Variants in DLG2 observed in about 807,000 individuals in gnomAD.
DLG2 encodes the protein discs large MAGUK scaffold protein 2.
DLG2 carries 45 observed loss-of-function variants against 132.5 expected under a neutral mutation model. The ratio of observed to expected loss-of-function variants is 0.34; its 90% CI spans 0.27 to 0.44. DLG2 has a LOEUF of 0.44. Among genes scored for constraint, DLG2 ranks in the 20% least tolerant of loss-of-function variants. The pLI, the probability that DLG2 is intolerant of heterozygous loss-of-function variation, is 1.00. For synonymous variants in DLG2, 424 were observed against 419.6 expected, an observed-to-expected ratio of 1.01 and a Z score of -0.13; for missense variants, 1,045 against 1,196.9, an observed-to-expected ratio of 0.87 and a Z score of 1.87.
chr11:84,256,512 G>T (rs2097473959), intron 7 of DLG2, among the ~76,000 whole-genome samples: 1 of 152,152 alleles, frequency 6.6e-6, no homozygotes, highest in Non-Finnish European at 1.5e-5. Flanking sequence ...TAACACTCAT[G>T]GTACTAGGAA....
At chr11:83,945,845 T>TGTGTGTGTGTG (rs1555194131) in intron 14 of DLG2, among the ~76,000 whole-genome samples, 2 of 150,742 alleles carry the variant, frequency 1.3e-5, no homozygotes, top group African/African-American at 4.9e-5. Context: ...TGTGTGTGTG[T>TGTGTGTGTGTG]TTTCTAATGT....
intron 14 of DLG2, among the ~76,000 whole-genome samples, chr11:83,941,492 T>A (rs1298958730): frequency 6.6e-6 from 1 of 152,056 alleles, no homozygotes; most frequent in Non-Finnish European, 1.5e-5. Context: ...GCCTCCTGGG[T>A]TCAAGCCATT....
intron 10 of DLG2, among the ~76,000 whole-genome samples, chr11:84,096,848 C>G (rs921647989): frequency 5.3e-5 from 8 of 151,270 alleles, no homozygotes; most frequent in African/African-American, 1.7e-4. Context: ...TGTCAAAAAG[C>G]TTATTTCATG....
chr11:84,287,149 A>G (rs2097917751), intron 7 of DLG2, among the ~76,000 whole-genome samples: 1 of 152,188 alleles, frequency 6.6e-6, no homozygotes, highest in African/African-American at 2.4e-5. Context: ...TTACATGTAC[A>G]TATTTCTATT....
intron 3 of DLG2, among the ~76,000 whole-genome samples, chr11:85,596,541 T>C (rs2079780215): frequency 6.6e-6 from 1 of 152,196 alleles, no homozygotes; most frequent in Non-Finnish European, 1.5e-5. Context: ...CTCTTCTATT[T>C]CTACAGCTAA....
chr11:84,115,883 C>T (rs550552625), intron 9 of DLG2, among the ~76,000 whole-genome samples: 3 of 152,160 alleles, frequency 2.0e-5, no homozygotes, highest in Non-Finnish European at 4.4e-5. Context: ...AGGCAGGAAC[C>T]TTTCTGTCAT....
intron 16 of DLG2, among the ~76,000 whole-genome samples, chr11:83,851,135 G>C (rs2154029724): frequency 6.6e-6 from 1 of 150,854 alleles, no homozygotes; most frequent in East Asian, 2.0e-4. Flanking sequence ...TGAGACCGCG[G>C]CACTGTACTC....
At chr11:85,436,517 C>A (rs1347632563) in intron 3 of DLG2, among the ~76,000 whole-genome samples, 1 of 152,150 alleles carries the variant, frequency 6.6e-6, no homozygotes, top group Non-Finnish European at 1.5e-5. Context: ...ACAGATGCTT[C>A]TCAAAAGAAG....
At chr11:84,767,178 G>A (rs998887991) in intron 6 of DLG2, among the ~76,000 whole-genome samples, 1 of 151,996 alleles carries the variant, frequency 6.6e-6, no homozygotes, top group Non-Finnish European at 1.5e-5. Flanking sequence ...TAATAATACA[G>A]TAGATGCTCA....
At chr11:84,790,097 T>C (rs2073578641) in intron 6 of DLG2, among the ~76,000 whole-genome samples, 1 of 152,200 alleles carries the variant, frequency 6.6e-6, no homozygotes, top group East Asian at 1.9e-4. Context: ...TTTCAGTATA[T>C]AGCGAGCAGT....
chr11:84,592,915 G>A (rs183675976), intron 6 of DLG2, among the ~76,000 whole-genome samples: 1 of 111,452 alleles, frequency 9.0e-6, no homozygotes, highest in East Asian at 2.9e-4. Flanking sequence ...GGCTAACACG[G>A]TGAAACCCTG....
At chr11:85,169,527 AAT>A (rs1316703139) in intron 4 of DLG2, among the ~76,000 whole-genome samples, 2 of 152,090 alleles carry the variant, frequency 1.3e-5, no homozygotes, top group Admixed American at 1.3e-4. Context: ...GAGATGAGGG[AAT>A]GTAGGCAATT....
intron 15 of DLG2, among the ~76,000 whole-genome samples, chr11:83,928,926 T>G (rs2154129014): frequency 6.6e-6 from 1 of 152,300 alleles, no homozygotes; most frequent in East Asian, 1.9e-4. Context: ...TCTCACTTCC[T>G]TACGGCTATG....
intron 8 of DLG2, among the ~76,000 whole-genome samples, chr11:84,213,638 T>C (rs1172777326): frequency 6.6e-6 from 1 of 151,756 alleles, no homozygotes; most frequent in Non-Finnish European, 1.5e-5. Context: ...GCTAACATGG[T>C]CAAACCCTGT....
At chr11:83,609,323 C>T (rs1396914849) in intron 19 of DLG2, among the ~76,000 whole-genome samples, 1 of 152,166 alleles carries the variant, frequency 6.6e-6, no homozygotes, top group African/African-American at 2.4e-5. Context: ...AGCCAACCTG[C>T]CCCAGCAGGG....
chr11:84,430,632 C>T (rs1391757617), intron 7 of DLG2, among the ~76,000 whole-genome samples: 2 of 152,106 alleles, frequency 1.3e-5, no homozygotes, highest in East Asian at 3.9e-4. Flanking sequence ...TCTTGCCCTC[C>T]AGCCTACTCC....
At chr11:84,256,543 A>C (rs2097474517) in intron 7 of DLG2, among the ~76,000 whole-genome samples, 1 of 152,152 alleles carries the variant, frequency 6.6e-6, no homozygotes, top group Non-Finnish European at 1.5e-5. Flanking sequence ...ATTTCAGCTG[A>C]CCCGGGACAT....
intron 3 of DLG2, among the ~76,000 whole-genome samples, chr11:85,495,960 G>A (rs1010624101): frequency 6.6e-6 from 1 of 152,308 alleles, no homozygotes. Context: ...GAAGAGCTCA[G>A]CTCTACAGCT....
intron 6 of DLG2, among the ~76,000 whole-genome samples, chr11:85,067,223 A>T (rs1239343500): frequency 6.7e-6 from 1 of 150,206 alleles, no homozygotes; most frequent in Non-Finnish European, 1.5e-5. Flanking sequence ...CGTCTATTTG[A>T]TTCTTCTCTC....
Sources: allele counts gnomAD v4.1 joint callset (sites outside exome capture counted in the v4.1 genomes callset), GRCh38; gene constraint gnomAD v4.1.1; transcripts MANE v1.5; gene names NCBI Gene and HGNC (gene_info 2026-07-23, HGNC 2026-07-21).